The following SDAD1 variants were observed in gnomAD, a reference collection of about 807,000 sequenced individuals.
The protein encoded by SDAD1 is protein SDA1 homolog.
In SDAD1, 79 loss-of-function variants were observed where a neutral mutation model predicts 100.3. The ratio of observed to expected loss-of-function variants is 0.79; its 90% CI spans 0.66 to 0.95. The LOEUF is 0.95. Among genes scored for constraint, SDAD1 ranks in the 40% least tolerant of loss-of-function variants. The pLI is 0.00. For synonymous variants in SDAD1, 267 were observed against 271.4 expected (o/e 0.98, Z 0.16); for missense variants, 790 against 810.9 (o/e 0.97, Z 0.31).
chr4:75,978,236 CTTTTT>C (rs71210232), intron 3 of SDAD1, among the ~76,000 whole-genome samples: 5 of 94,012 alleles, frequency 5.3e-5, no homozygotes, highest in Admixed American at 1.1e-4. Flanking sequence ...TGCCCCCCGC[CTTTTT>C]TTTTTTTTTT....
intron 1 of SDAD1, among the ~76,000 whole-genome samples, chr4:75,987,495 TA>T: frequency 6.6e-6 from 1 of 152,208 alleles, no homozygotes; most frequent in Non-Finnish European, 1.5e-5. Flanking sequence ...TCCATGTCGC[TA>T]ATTTTTTTTT....
At chr4:75,955,610 A>G (rs762074154) in intron 21 of SDAD1, among the ~76,000 whole-genome samples, 10 of 152,206 alleles carry the variant, frequency 6.6e-5, no homozygotes, top group Admixed American at 1.3e-4. Flanking sequence ...AAGTTATTCA[A>G]TTAATTTTGA....
chr4:75,968,133 C>T (rs945144853), intron 11 of SDAD1, among the ~76,000 whole-genome samples: 1 of 152,150 alleles, frequency 6.6e-6, no homozygotes, highest in South Asian at 2.1e-4. Context: ...AGTATCATTT[C>T]CCTCAAACCA....
At chr4:75,988,287 T>A (rs575666110) in intron 1 of SDAD1, among the ~76,000 whole-genome samples, 27 of 152,292 alleles carry the variant, frequency 1.8e-4, no homozygotes, top group Non-Finnish European at 3.4e-4. Flanking sequence ...AATCCCAAAT[T>A]CACCCCCTTT....
chr4:75,952,973 T>C (rs1439474917), intron 21 of SDAD1, among the ~76,000 whole-genome samples: 1 of 152,242 alleles, frequency 6.6e-6, no homozygotes, highest in East Asian at 1.9e-4. Context: ...GTGGTTCATA[T>C]TATATTTCTA....
chr4:75,965,547 C>T (rs952927563), intron 13 of SDAD1, among the ~76,000 whole-genome samples: 1 of 152,182 alleles, frequency 6.6e-6, no homozygotes, highest in Non-Finnish European at 1.5e-5. Flanking sequence ...TGGGGCATCA[C>T]AGAACCTGCC....
At chr4:75,950,962 G>A (rs1728600115) in intron 21 of SDAD1, among the ~76,000 whole-genome samples, 165 bp from the exon 22 acceptor site, 2 of 152,202 alleles carry the variant, frequency 1.3e-5, no homozygotes, top group South Asian at 4.2e-4. Flanking sequence ...AATCGAGGAT[G>A]GGGCATATTA....
chr4:75,981,532 A>C, intron 2 of SDAD1, 62 bp from the exon 3 acceptor site: 2 of 1,606,670 alleles, frequency 1.2e-6, no homozygotes, highest in Non-Finnish European at 1.7e-6. Flanking sequence ...TCAGATGCAT[A>C]CATTTAGGAT....
At chr4:75,964,627 G>C (rs1037088573) in intron 13 of SDAD1, among the ~76,000 whole-genome samples, 3 of 152,130 alleles carry the variant, frequency 2.0e-5, no homozygotes, top group African/African-American at 7.2e-5. Flanking sequence ...TGAGGGAAGG[G>C]GGGACAGTAA....
chr4:75,962,206 T>C (rs990955751), intron 14 of SDAD1, among the ~76,000 whole-genome samples: 4 of 152,238 alleles, frequency 2.6e-5, no homozygotes, highest in African/African-American at 9.6e-5. Context: ...GCTTCATCCA[T>C]GTCCCTGCAA....
intron 14 of SDAD1, among the ~76,000 whole-genome samples, chr4:75,963,869 A>G (rs1016043323): frequency 6.6e-6 from 1 of 152,220 alleles, no homozygotes; most frequent in Admixed American, 6.5e-5. Flanking sequence ...AAAAGCACTT[A>G]GTTTGCTAAT....
At chr4:75,951,366 T>C (rs571307113) in intron 21 of SDAD1, among the ~76,000 whole-genome samples, 14 of 152,206 alleles carry the variant, frequency 9.2e-5, no homozygotes, top group Admixed American at 2.0e-4. Context: ...TCTAAGTATA[T>C]GCTAACACTA....
At position 75,990,911 on chromosome 4, in the gene SDAD1, T is replaced by C. The variant is rs1054061933; in HGVS notation, c.-70A>G. The C allele has an allele frequency of 4.4e-6, 7 of 1,585,704 alleles. No homozygotes were observed. The highest frequency in any genetic ancestry group is 4.0e-5 in the African/African-American group (3 of 74,536). On this transcript the variant is annotated 5_prime_UTR_variant, in exon 1 of 22. Transcript: ENST00000356260. Reference sequence around the variant, plus strand: ...CAGACGGCCGGCACCCCGCAATCCCTGCCAGCTGCAGCTTGGACTCGTGTT... The same window carrying C: ...CAGACGGCCGGCACCCCGCAATCCCCGCCAGCTGCAGCTTGGACTCGTGTT...
At chr4:75,951,704 C>A (rs539728248) in intron 21 of SDAD1, among the ~76,000 whole-genome samples, 64 of 152,210 alleles carry the variant, frequency 4.2e-4, no homozygotes, top group African/African-American at 1.2e-3. Context: ...CTGACGCAAA[C>A]CTACAAAAGC....
intron 11 of SDAD1, among the ~76,000 whole-genome samples, chr4:75,967,957 T>A (rs761822742): frequency 9.9e-5 from 15 of 152,200 alleles, no homozygotes; most frequent in Admixed American, 2.0e-4. Flanking sequence ...GAAGAGAAAC[T>A]GGAAATAAAC....
At chr4:75,973,818 T>G (rs1369263761) in intron 7 of SDAD1, among the ~76,000 whole-genome samples, 1 of 152,084 alleles carries the variant, frequency 6.6e-6, no homozygotes, top group Non-Finnish European at 1.5e-5. Context: ...CTCATAATTC[T>G]ATTGACTCTT....
chr4:75,951,812 C>G (rs1728643395), intron 21 of SDAD1, among the ~76,000 whole-genome samples: 2 of 152,194 alleles, frequency 1.3e-5, no homozygotes, highest in Non-Finnish European at 2.9e-5. Context: ...ATGTATACAT[C>G]TTAAGTTTGT....
At chr4:75,960,305 C>T in intron 16 of SDAD1, 113 bp from the exon 17 acceptor site, 1 of 1,030,034 alleles carries the variant, frequency 9.7e-7, no homozygotes, top group Non-Finnish European at 1.3e-6. Flanking sequence ...AAGACAGGGT[C>T]TTGCTCTGTT....
At chr4:75,968,030 G>A (rs1052974482) in intron 11 of SDAD1, among the ~76,000 whole-genome samples, 1 of 152,198 alleles carries the variant, frequency 6.6e-6, no homozygotes, top group Non-Finnish European at 1.5e-5. Flanking sequence ...TTTAGCCACA[G>A]AGCAAAAGTA....
Sources: allele counts gnomAD v4.1 joint callset (sites outside exome capture counted in the v4.1 genomes callset), GRCh38; gene constraint gnomAD v4.1.1; transcripts MANE v1.5; gene names NCBI Gene and HGNC (gene_info 2026-07-23, HGNC 2026-07-21).